SHISA9: variants seen among roughly 807,000 people sequenced by gnomAD.
SHISA9 encodes the protein shisa family member 9, also known as protein shisa-9.
Under a neutral mutation model 38.0 loss-of-function variants are expected in SHISA9, and 13 were observed. The ratio of observed to expected loss-of-function variants is 0.34; its 90% CI spans 0.22 to 0.54. The LOEUF (loss-of-function observed/expected upper bound fraction) is 0.54. SHISA9 is among the 20% of genes least tolerant of loss of function. The pLI, the probability that SHISA9 is intolerant of heterozygous loss-of-function variation, is 0.91. For missense variants in SHISA9, 538 were observed against 575.8 expected (o/e 0.93, Z 0.67); for synonymous variants, 275 against 242.0 (o/e 1.14, Z -1.27).
the SHISA9 span, among the ~76,000 whole-genome samples, chr16:13,299,899 G>T: frequency 2.0e-5 from 3 of 152,096 alleles, no homozygotes; most frequent in Non-Finnish European, 2.9e-5. Context: ...GCAGGTACTG[G>T]TTGTACATAC....
At chr16:13,319,328 A>C in the SHISA9 span, among the ~76,000 whole-genome samples, 7 of 152,264 alleles carry the variant, frequency 4.6e-5, no homozygotes, top group East Asian at 1.4e-3. Flanking sequence ...TTATTTTTAC[A>C]AAATGATCTC....
At chr16:13,358,799 T>G in the SHISA9 span, among the ~76,000 whole-genome samples, 3 of 152,210 alleles carry the variant, frequency 2.0e-5, no homozygotes, top group African/African-American at 7.2e-5. Context: ...TTCTCTTGGC[T>G]GTTTTCAGCA....
the SHISA9 span, among the ~76,000 whole-genome samples, chr16:13,412,669 C>T: frequency 1.3e-5 from 2 of 152,028 alleles, no homozygotes; most frequent in South Asian, 4.2e-4. Context: ...CCAGCCTGGC[C>T]AACATGGCAA....
At chr16:13,369,821 T>A in the SHISA9 span, among the ~76,000 whole-genome samples, 9 of 152,084 alleles carry the variant, frequency 5.9e-5, no homozygotes, top group African/African-American at 2.2e-4. Context: ...GGTCAGTGGT[T>A]CTTAACCCCA....
intron 2 of SHISA9, among the ~76,000 whole-genome samples, chr16:13,075,893 A>G (rs2073575396): frequency 1.3e-5 from 2 of 152,218 alleles, no homozygotes; most frequent in African/African-American, 4.8e-5. Context: ...TGTGCATTCT[A>G]GGGTGTTTAG....
chr16:13,016,152 G>C (rs928622261), intron 2 of SHISA9, among the ~76,000 whole-genome samples: 1 of 150,830 alleles, frequency 6.6e-6, no homozygotes, highest in Non-Finnish European at 1.5e-5. Flanking sequence ...CTAATTTTTT[G>C]TATTTTTAGT....
chr16:13,100,819 T>G (rs1375999427), intron 2 of SHISA9, among the ~76,000 whole-genome samples: 2 of 152,218 alleles, frequency 1.3e-5, no homozygotes, highest in Non-Finnish European at 2.9e-5. Flanking sequence ...GGGATTCTCC[T>G]GCCTCAGCCT....
chr16:13,337,634 T>TA, the SHISA9 span, among the ~76,000 whole-genome samples: 7 of 152,150 alleles, frequency 4.6e-5, no homozygotes, highest in African/African-American at 1.2e-4. Flanking sequence ...ATGCAAATTT[T>TA]AAAAAAAGTA....
chr16:13,136,396 C>CTTTTTTTTTTTTTT (rs35122409), intron 2 of SHISA9, among the ~76,000 whole-genome samples: 3 of 68,098 alleles, frequency 4.4e-5, no homozygotes, highest in Non-Finnish European at 8.0e-5. Context: ...CAGTTTCCTT[C>CTTTTTTTTTTTTTT]TTTTTTTTTT....
the SHISA9 span, among the ~76,000 whole-genome samples, chr16:13,300,943 CTCTT>C: frequency 5.3e-5 from 8 of 150,928 alleles, no homozygotes; most frequent in South Asian, 1.7e-3. Flanking sequence ...CTTTCTCTTA[CTCTT>C]TCTTTCTCTT....
chr16:12,978,133 A>G (rs1596561485), intron 2 of SHISA9, among the ~76,000 whole-genome samples: 1 of 152,212 alleles, frequency 6.6e-6, no homozygotes, highest in Non-Finnish European at 1.5e-5. Context: ...GGCAGATGAC[A>G]CAACAATGGG....
At chr16:13,461,232 T>C in the SHISA9 span, among the ~76,000 whole-genome samples, 1,697 of 152,296 alleles carry the variant, frequency 0.011, 38 homozygotes, top group African/African-American at 0.039. Context: ...GGCACTGTCC[T>C]GGTGGCTGAA....
intron 2 of SHISA9, among the ~76,000 whole-genome samples, chr16:13,099,908 C>T (rs1226107560): frequency 6.6e-6 from 1 of 152,200 alleles, no homozygotes; most frequent in Non-Finnish European, 1.5e-5. Flanking sequence ...GCCTAGGAGG[C>T]TCCCTGTTGA....
chr16:13,040,671 G>T (rs997497692), intron 2 of SHISA9, among the ~76,000 whole-genome samples: 1 of 152,154 alleles, frequency 6.6e-6, no homozygotes, highest in African/African-American at 2.4e-5. Flanking sequence ...AGTGCTTAAT[G>T]CATACAATGC....
chr16:13,508,735 T>A, the SHISA9 span, among the ~76,000 whole-genome samples: 1 of 152,230 alleles, frequency 6.6e-6, no homozygotes, highest in South Asian at 2.1e-4. Context: ...GAAATGTGGA[T>A]GTATTTTCTC....
chr16:13,458,666 C>T, the SHISA9 span: 2 of 310,614 alleles, frequency 6.4e-6, no homozygotes, highest in Non-Finnish European at 6.3e-6. Context: ...GCAGAAGAGG[C>T]AGAATAACCT....
At chr16:13,199,048 A>G (rs10438543) in intron 2 of SHISA9, among the ~76,000 whole-genome samples, 33,642 of 152,180 alleles carry the variant, frequency 0.22, 4,167 homozygotes, top group East Asian at 0.37. Context: ...GTCCCAACAT[A>G]TTCAGTGAGG....
chr16:13,352,382 A>G, the SHISA9 span, among the ~76,000 whole-genome samples: 3 of 152,198 alleles, frequency 2.0e-5, no homozygotes, highest in African/African-American at 7.2e-5. Context: ...TATGATCACA[A>G]TGAAGTTCAA....
chr16:13,215,523 T>A (rs1161108924), intron 4 of SHISA9, among the ~76,000 whole-genome samples: 2 of 152,212 alleles, frequency 1.3e-5, no homozygotes, highest in African/African-American at 2.4e-5. Context: ...AACTTCTTTT[T>A]TCCCTCCCTG....
Sources: gnomAD v4.1 joint callset for allele counts (sites outside exome capture counted in the v4.1 genomes callset) on GRCh38, gnomAD v4.1.1 for gene constraint, MANE v1.5 for transcripts, NCBI Gene and HGNC (gene_info 2026-07-23, HGNC 2026-07-21) for gene names.